Variants in CCDC91 observed in about 807,000 individuals in gnomAD.
CCDC91 encodes the protein coiled-coil domain containing 91, also known as coiled-coil domain-containing protein 91.
A neutral mutation model predicts 63.2 loss-of-function variants in CCDC91; 48 were observed. That is an observed-to-expected ratio of 0.76 (90% confidence interval 0.60 to 0.97). The LOEUF (loss-of-function observed/expected upper bound fraction) is 0.97, where lower values mean the gene tolerates loss of function less well. CCDC91 is among the 50% of genes least tolerant of loss of function. The pLI is 0.00. For synonymous variants in CCDC91, 167 were observed against 165.8 expected (o/e 1.01, Z -0.06); for missense variants, 500 against 494.6 (o/e 1.01, Z -0.10).
chr12:28,289,761 G>A lies in CCDC91; in HGVS notation c.110-15888G>A, dbSNP rs369194673. 5.9e-4 allele frequency among the ~76,000 whole-genome samples: 82 copies of A among 137,928 alleles called. 1 individual carries two copies. Among genetic ancestry groups the A allele is most frequent in the Middle Eastern group, 4.5e-3 (1 of 224 alleles). 90.5% of individuals were successfully genotyped at this position (137,928 alleles called of 152,430 possible). On this transcript the variant is annotated intron_variant, in intron 3 of 12. Transcript: ENST00000536442. ...GGCTGGAGTGCAGTGGCGCGATCTCGGCTCACTGCAAGCTCCGCCTCCCAA... is the reference window on the plus strand; with the variant it reads ...GGCTGGAGTGCAGTGGCGCGATCTCAGCTCACTGCAAGCTCCGCCTCCCAA...
At chr12:28,240,748 C>T (rs1945275027) in intron 1 of CCDC91, among the ~76,000 whole-genome samples, 1 of 151,922 alleles carries the variant, frequency 6.6e-6, no homozygotes, top group Non-Finnish European at 1.5e-5. Context: ...AGATGTGGCA[C>T]AGTTTGTTTA....
chr12:28,457,380 G>A (rs1297589056), intron 11 of CCDC91, among the ~76,000 whole-genome samples: 3 of 151,474 alleles, frequency 2.0e-5, no homozygotes, highest in Non-Finnish European at 4.4e-5. Flanking sequence ...GCACTCAAAT[G>A]TTCTTTTAAA....
chr12:28,267,405 A>G (rs929340269), intron 3 of CCDC91, among the ~76,000 whole-genome samples: 1 of 151,298 alleles, frequency 6.6e-6, no homozygotes, highest in Non-Finnish European at 1.5e-5. Context: ...TTATTAATGT[A>G]ACTAGTTATT....
chr12:28,305,535 T>C, intron 3 of CCDC91, 114 bp from the exon 4 acceptor site: 2 of 882,426 alleles, frequency 2.3e-6, no homozygotes, highest in East Asian at 2.7e-5. Context: ...TGCTTTTACT[T>C]TCCTTACTTT....
chr12:28,194,887 G>T (rs187669578), intron 1 of CCDC91, among the ~76,000 whole-genome samples: 1 of 152,150 alleles, frequency 6.6e-6, no homozygotes, highest in Admixed American at 6.5e-5. Context: ...TCGTGGTCTC[G>T]CTGGCTTCAG....
chr12:28,411,812 A>G (rs1246466649), intron 8 of CCDC91, among the ~76,000 whole-genome samples: 3 of 152,138 alleles, frequency 2.0e-5, no homozygotes, highest in African/African-American at 7.2e-5. Context: ...AACCAAGCAA[A>G]CCACCATGGA....
chr12:28,255,270 A>C (rs1946370226), intron 1 of CCDC91, among the ~76,000 whole-genome samples: 1 of 152,212 alleles, frequency 6.6e-6, no homozygotes, highest in African/African-American at 2.4e-5. Context: ...AAGTGACTTA[A>C]GAAAACACAC....
At chr12:28,305,536 T>G (rs1238539479) in intron 3 of CCDC91, 113 bp from the exon 4 acceptor site, 2 of 889,570 alleles carry the variant, frequency 2.2e-6, no homozygotes, top group Non-Finnish European at 3.3e-6. Flanking sequence ...GCTTTTACTT[T>G]CCTTACTTTT....
intron 1 of CCDC91, among the ~76,000 whole-genome samples, chr12:28,200,270 A>C: frequency 7.0e-6 from 1 of 143,174 alleles, no homozygotes. Context: ...TAGCTTTTCT[A>C]TGTTTCTTTT....
intron 8 of CCDC91, among the ~76,000 whole-genome samples, chr12:28,425,979 A>G (rs1948293405): frequency 1.3e-5 from 2 of 152,172 alleles, no homozygotes; most frequent in Non-Finnish European, 2.9e-5. Context: ...GTGTTGCTGT[A>G]TGTACGTGGG....
chr12:28,431,367 T>C (rs1948616247), intron 8 of CCDC91, among the ~76,000 whole-genome samples: 1 of 152,142 alleles, frequency 6.6e-6, no homozygotes, highest in Admixed American at 6.6e-5. Context: ...TTTTTCCTTC[T>C]GTTTCTCTTA....
intron 8 of CCDC91, among the ~76,000 whole-genome samples, chr12:28,407,607 A>G (rs1043799906): frequency 5.3e-5 from 8 of 152,290 alleles, no homozygotes; most frequent in African/African-American, 1.7e-4. Context: ...TGTAACTTTT[A>G]TAATCCACCA....
intron 12 of CCDC91, among the ~76,000 whole-genome samples, chr12:28,491,962 G>GGT (rs56946212): frequency 0.2 from 28,643 of 146,776 alleles, 3,378 homozygotes; most frequent in Non-Finnish European, 0.28. Context: ...AAGGTGTTGG[G>GGT]GTGTGTGTGT....
chr12:28,367,271 C>G (rs532735756), intron 7 of CCDC91, among the ~76,000 whole-genome samples: 80 of 152,122 alleles, frequency 5.3e-4, no homozygotes, highest in African/African-American at 1.9e-3. Flanking sequence ...ACAGAAAATA[C>G]CCGCAAGTGT....
intron 8 of CCDC91, among the ~76,000 whole-genome samples, chr12:28,405,432 A>C (rs77535393): frequency 0.02 from 3,076 of 152,286 alleles, 119 homozygotes; most frequent in African/African-American, 0.068. Context: ...GCATCAGTTA[A>C]GAAAAAGAAA....
chr12:28,472,926 T>C (rs1236898342), intron 11 of CCDC91, among the ~76,000 whole-genome samples: 1 of 152,164 alleles, frequency 6.6e-6, no homozygotes, highest in Non-Finnish European at 1.5e-5. Flanking sequence ...TTCATAAATT[T>C]GTGTGGAATA....
Position 28,452,494 on chromosome 12 carries a change from T to C in CCDC91, c.941T>C (p.Val314Ala). 3.2e-6 allele frequency: 5 copies of C among 1,567,000 alleles called. No individual in the cohort carries two copies. Among genetic ancestry groups the C allele is most frequent in the Non-Finnish European group, 4.3e-6 (5 of 1,156,904 alleles). Reference sequence around the variant, plus strand: ...ATTTTGAAGCTTGAAAAAGAAGCAGTGAAGGATGCAGTTTTAAAAGTCGTA... The same window carrying C: ...ATTTTGAAGCTTGAAAAAGAAGCAGCGAAGGATGCAGTTTTAAAAGTCGTA... ...VSAAKLEKEA[V>A]KDAVLKVVEE... Residue 314 changes from valine to alanine, a missense_variant, in exon 11 of 13, where the codon GTG (valine) becomes GCG (alanine). Transcript: ENST00000536442.
intron 12 of CCDC91, among the ~76,000 whole-genome samples, chr12:28,497,065 C>CT (rs1440989521): frequency 6.7e-6 from 1 of 150,348 alleles, no homozygotes; most frequent in Non-Finnish European, 1.5e-5. Flanking sequence ...AGTTATAGTA[C>CT]TTTTTTCATA....
intron 12 of CCDC91, among the ~76,000 whole-genome samples, chr12:28,487,315 A>C (rs1205792171): frequency 6.6e-6 from 1 of 151,854 alleles, no homozygotes; most frequent in Admixed American, 6.6e-5. Context: ...AAATGGAACT[A>C]ATTACTAATT....
Sources: gnomAD v4.1 joint callset for allele counts (sites outside exome capture counted in the v4.1 genomes callset) on GRCh38, gnomAD v4.1.1 for gene constraint, MANE v1.5 for transcripts, NCBI Gene and HGNC (gene_info 2026-07-23, HGNC 2026-07-21) for gene names.